CDKAL1: variants seen among roughly 807,000 people sequenced by gnomAD.
The protein encoded by CDKAL1 is CDKAL1 threonylcarbamoyladenosine tRNA methylthiotransferase.
A neutral mutation model predicts 68.2 loss-of-function variants in CDKAL1; 32 were observed. The ratio of observed to expected loss-of-function variants is 0.47; its 90% CI spans 0.35 to 0.63. CDKAL1 has a LOEUF of 0.63. Ranked by LOEUF, CDKAL1 falls within the 30% of genes least tolerant of loss-of-function variation. The probability of loss-of-function intolerance (pLI) is 0.00; values close to 1 mark genes in which losing one functional copy is unlikely to be tolerated. For missense variants in CDKAL1, 606 were observed against 696.7 expected, an observed-to-expected ratio of 0.87 and a Z score of 1.47; for synonymous variants, 234 against 244.3, an observed-to-expected ratio of 0.96 and a Z score of 0.39.
At chr6:20,572,746 A>G (rs901516378) in intron 4 of CDKAL1, among the ~76,000 whole-genome samples, 3 of 152,070 alleles carry the variant, frequency 2.0e-5, no homozygotes, top group South Asian at 4.1e-4. Flanking sequence ...AAAAATCTTC[A>G]TGTGCCTGGC....
At chr6:20,609,401 C>CT (rs1168736535) in intron 4 of CDKAL1, among the ~76,000 whole-genome samples, 566 of 49,746 alleles carry the variant, frequency 0.011, 10 homozygotes, top group Middle Eastern at 0.038. Flanking sequence ...TCTTCTTCTT[C>CT]TTTTTTTTTT....
intron 5 of CDKAL1, among the ~76,000 whole-genome samples, chr6:20,655,238 T>C (rs1275480901): frequency 6.6e-6 from 1 of 152,238 alleles, no homozygotes; most frequent in East Asian, 1.9e-4. Flanking sequence ...TTTCTGTTTT[T>C]ACTGCCTTGG....
chr6:20,777,237 TAACTTGGATTCC>T (rs1278323669), intron 7 of CDKAL1, among the ~76,000 whole-genome samples: 2 of 152,206 alleles, frequency 1.3e-5, no homozygotes, highest in South Asian at 2.1e-4. Context: ...CACTGAATGA[TAACTTGGATTCC>T]AAGGAGCAGT....
chr6:20,921,802 C>T (rs1438370178), intron 9 of CDKAL1, among the ~76,000 whole-genome samples: 1 of 152,194 alleles, frequency 6.6e-6, no homozygotes, highest in African/African-American at 2.4e-5. Flanking sequence ...TTGGCCAAAA[C>T]AGCAAATGAG....
chr6:21,176,119 A>G (rs955646446), intron 13 of CDKAL1, among the ~76,000 whole-genome samples: 1 of 152,236 alleles, frequency 6.6e-6, no homozygotes, highest in East Asian at 1.9e-4. Flanking sequence ...ATTGCTTACT[A>G]TAGTTATTTG....
intron 9 of CDKAL1, among the ~76,000 whole-genome samples, chr6:20,889,920 T>TA (rs1451320025): frequency 1.3e-5 from 2 of 152,044 alleles, no homozygotes; most frequent in Admixed American, 6.6e-5. Context: ...GCTTGATGGG[T>TA]AAAAAAAATT....
chr6:20,849,689 G>A (rs924116793), intron 9 of CDKAL1, among the ~76,000 whole-genome samples: 1 of 151,630 alleles, frequency 6.6e-6, no homozygotes, highest in Non-Finnish European at 1.5e-5. Context: ...AACATCCATA[G>A]CAAAAACATT....
intron 8 of CDKAL1, among the ~76,000 whole-genome samples, chr6:20,794,749 G>A (rs1222806195): frequency 6.6e-6 from 1 of 152,064 alleles, no homozygotes; most frequent in Non-Finnish European, 1.5e-5. Context: ...TCACTTTTAG[G>A]AGAATAAGGT....
intron 13 of CDKAL1, among the ~76,000 whole-genome samples, chr6:21,152,490 A>G (rs1776458565): frequency 6.6e-6 from 1 of 152,202 alleles, no homozygotes; most frequent in South Asian, 2.1e-4. Flanking sequence ...TCAACCAGCA[A>G]CTTGTCATAT....
At chr6:20,680,362 C>T (rs577622044) in intron 5 of CDKAL1, among the ~76,000 whole-genome samples, 11 of 152,228 alleles carry the variant, frequency 7.2e-5, no homozygotes, top group Middle Eastern at 6.8e-3. Flanking sequence ...CCACCACACC[C>T]GGTCTAATTT....
intron 12 of CDKAL1, among the ~76,000 whole-genome samples, chr6:21,084,588 A>G (rs1330297796): frequency 6.6e-6 from 1 of 152,250 alleles, no homozygotes; most frequent in African/African-American, 2.4e-5. Context: ...CTTGGAGTAA[A>G]AAATATTTTC....
At chr6:21,174,448 C>A (rs554679850) in intron 13 of CDKAL1, among the ~76,000 whole-genome samples, 1 of 152,154 alleles carries the variant, frequency 6.6e-6, no homozygotes, top group East Asian at 1.9e-4. Context: ...GAAAAATAGT[C>A]TCAATAATTG....
At chr6:20,722,465 C>T in intron 5 of CDKAL1, 1 of 310,244 alleles carries the variant, frequency 3.2e-6, no homozygotes, top group South Asian at 3.5e-5. Context: ...TTCTTTTTGG[C>T]AGTAGCCTTT....
intron 8 of CDKAL1, among the ~76,000 whole-genome samples, chr6:20,815,216 T>A (rs148585069): frequency 8.2e-4 from 125 of 152,330 alleles, no homozygotes; most frequent in Non-Finnish European, 1.7e-3. Context: ...TGCAGGCTTT[T>A]AAAAAATTTT....
At chr6:21,016,355 C>T (rs549861102) in intron 11 of CDKAL1, among the ~76,000 whole-genome samples, 2 of 152,124 alleles carry the variant, frequency 1.3e-5, no homozygotes, top group South Asian at 2.1e-4. Flanking sequence ...TTCCTCACTG[C>T]CCACCCCTCT....
chr6:20,630,568 T>G (rs1693258303), intron 4 of CDKAL1, among the ~76,000 whole-genome samples: 1 of 152,128 alleles, frequency 6.6e-6, no homozygotes, highest in Non-Finnish European at 1.5e-5. Context: ...AATGTAAAAT[T>G]ATTTTCTTAG....
At chr6:20,629,255 T>C (rs1767567205) in intron 4 of CDKAL1, among the ~76,000 whole-genome samples, 1 of 152,190 alleles carries the variant, frequency 6.6e-6, no homozygotes, top group South Asian at 2.1e-4. Context: ...TTATACATCT[T>C]TGGCGGGAAG....
In CDKAL1 at chr6:20,552,619, T is replaced by A. The variant is rs200885887; in HGVS notation, c.286+3914T>A. ...AAGGAAGTAATTACTTGAATGGGAA[T>A]TTTTTTTTTTTTTTTGCTAATGTAG... On this transcript the variant is annotated intron_variant, in intron 4 of 15. Transcript: ENST00000274695. Among the ~76,000 whole-genome samples the A allele has an allele frequency of 3.1e-3, 18 of 5,896 alleles. No individual in the cohort carries two copies. The African/African-American group carries it at 0.041, about 14-fold the overall frequency. The allele number at this position is 5,896 out of a possible 152,430, so 3.9% of individuals were successfully genotyped here. A position where few individuals can be genotyped will look rare whatever the true frequency, so the allele number is the denominator to read the frequency against.
At chr6:21,032,205 G>T (rs1437019587) in intron 11 of CDKAL1, among the ~76,000 whole-genome samples, 1 of 152,056 alleles carries the variant, frequency 6.6e-6, no homozygotes, top group African/African-American at 2.4e-5. Context: ...GTTGGGATTG[G>T]GGTGTCTGCG....
Sources: gnomAD v4.1 joint callset for allele counts (sites outside exome capture counted in the v4.1 genomes callset) on GRCh38, gnomAD v4.1.1 for gene constraint, MANE v1.5 for transcripts, NCBI Gene and HGNC (gene_info 2026-07-23, HGNC 2026-07-21) for gene names.